The following PCYT1A variants were observed in gnomAD, a reference collection of about 807,000 sequenced individuals.
PCYT1A encodes phosphate cytidylyltransferase 1A, choline.
PCYT1A carries 25 observed loss-of-function variants against 43.7 expected under a neutral mutation model. The ratio of observed to expected loss-of-function variants is 0.57; its 90% CI spans 0.42 to 0.80. The LOEUF (loss-of-function observed/expected upper bound fraction) is 0.80. Among genes scored for constraint, PCYT1A ranks in the 30% least tolerant of loss-of-function variants. PCYT1A has a pLI of 0.00. For synonymous variants in PCYT1A, 172 were observed against 170.7 expected, an observed-to-expected ratio of 1.01 and a Z score of -0.06; for missense variants, 421 against 474.2, an observed-to-expected ratio of 0.89 and a Z score of 1.04.
chr3:196,264,425 G>A (rs889629561), intron 2 of PCYT1A, among the ~76,000 whole-genome samples: 3 of 152,046 alleles, frequency 2.0e-5, no homozygotes, highest in East Asian at 1.9e-4. Flanking sequence ...AGTTTATCTC[G>A]CACTCTCTGT....
chr3:196,242,738 C>T lies in PCYT1A; in HGVS notation c.487-98G>A. On this transcript the variant is annotated intron_variant, in intron 5 of 8. Coordinates refer to ENST00000431016, the MANE Select transcript of PCYT1A (RefSeq NM_001312673.2). This position sits in a 1 kb window ranked among gnomAD's most constrained non-coding sequence, Gnocchi z 4.2. ...CCAGAAAAAGGACAATAGGCAGAGG[C>T]CAGGCCTCAGTGGACTTCATATCTC... is the stretch of plus-strand genomic sequence containing the variant. The T allele has an allele frequency of 1.2e-6, 1 of 811,058 alleles. No individual in the cohort carries two copies. The highest frequency in any genetic ancestry group is 1.4e-5 in the South Asian group (1 of 72,134). The allele number at this position is 811,058 out of a possible 1,614,324, so 50.2% of individuals were successfully genotyped here.
Position 196,252,317 on chromosome 3 carries a change from G to A in PCYT1A, c.218-3994C>T, listed in dbSNP as rs943216180. On this transcript the variant is annotated intron_variant, in intron 3 of 8. Coordinates refer to ENST00000431016, the MANE Select transcript of PCYT1A (RefSeq NM_001312673.2). The surrounding 1 kb of genome is among the most constrained non-coding windows in gnomAD (Gnocchi z 4.0). Reference sequence around the variant, plus strand: ...GGCTGGAGTGTGGTGACATGATCTAGGCTCACTGCAACCTCTGCCTCCTGG... The same window carrying A: ...GGCTGGAGTGTGGTGACATGATCTAAGCTCACTGCAACCTCTGCCTCCTGG... 1.3e-4 allele frequency among the ~76,000 whole-genome samples: 19 copies of A among 151,968 alleles called. No individual in the cohort carries two copies. The highest frequency in any genetic ancestry group is 4.4e-5 in the Non-Finnish European group (3 of 67,984).
intron 5 of PCYT1A, chr3:196,243,176 A>C (rs1398167475): frequency 6.5e-6 from 1 of 154,524 alleles, no homozygotes; most frequent in Non-Finnish European, 1.4e-5. Context: ...AAATACAAAA[A>C]AATTAGCCAG....
chr3:196,251,142 G>GATACACCATGCTGAGGCTGAGGATCAC (rs1724762113), intron 3 of PCYT1A, among the ~76,000 whole-genome samples: 1 of 151,162 alleles, frequency 6.6e-6, no homozygotes, highest in African/African-American at 2.4e-5. Context: ...CTGAGGACCA[G>GATACACCATGCTGAGGCTGAGGATCAC]ATACACCATG....
intron 2 of PCYT1A, among the ~76,000 whole-genome samples, chr3:196,263,473 T>C (rs1031481321): frequency 6.6e-6 from 1 of 152,006 alleles, no homozygotes; most frequent in Non-Finnish European, 1.5e-5. Flanking sequence ...TCCTTCCACC[T>C]CCCAAGGCGC....
At chr3:196,260,485 C>T (rs1209118032) in intron 2 of PCYT1A, among the ~76,000 whole-genome samples, 1 of 152,122 alleles carries the variant, frequency 6.6e-6, no homozygotes, top group Non-Finnish European at 1.5e-5. Context: ...CATAGAATTA[C>T]CATATGACCC....
intron 3 of PCYT1A, among the ~76,000 whole-genome samples, chr3:196,257,007 T>C (rs1385436563): frequency 1.3e-5 from 2 of 152,154 alleles, no homozygotes. Context: ...TTCAGTCCTA[T>C]ATTTACAGGG....
intron 5 of PCYT1A, among the ~76,000 whole-genome samples, chr3:196,246,413 T>A (rs1270903943): frequency 2.6e-5 from 4 of 151,906 alleles, no homozygotes; most frequent in Admixed American, 6.6e-5. Context: ...TTTTTTTTTT[T>A]AAAGTAGAGA....
intron 5 of PCYT1A, chr3:196,243,286 C>T (rs1724418120): frequency 2.0e-5 from 3 of 151,936 alleles, no homozygotes; most frequent in African/African-American, 7.3e-5. Context: ...CAAAATCGCA[C>T]CACTGCACTC....
chr3:196,262,244 C>G (rs1472439901), intron 2 of PCYT1A, among the ~76,000 whole-genome samples: 1 of 152,100 alleles, frequency 6.6e-6, no homozygotes, highest in East Asian at 1.9e-4. Flanking sequence ...AGATCTAAAT[C>G]CCAACTCTAT....
intron 3 of PCYT1A, among the ~76,000 whole-genome samples, chr3:196,256,503 AT>A: frequency 6.6e-6 from 1 of 152,132 alleles, no homozygotes; most frequent in African/African-American, 2.4e-5. Context: ...AGAAAAAAAA[AT>A]TTCCCAGTAT....
intron 1 of PCYT1A, among the ~76,000 whole-genome samples, chr3:196,280,098 TG>T (rs1725714803): frequency 6.6e-6 from 1 of 152,194 alleles, no homozygotes; most frequent in African/African-American, 2.4e-5. Context: ...CCCAAAGTGC[TG>T]GGATTACAGG....
intron 5 of PCYT1A, chr3:196,243,002 C>G (rs1724406441): frequency 4.0e-6 from 1 of 248,622 alleles, no homozygotes; most frequent in Non-Finnish European, 8.0e-6. Context: ...TGTCCTGGGT[C>G]TGGAAGGATT....
chr3:196,243,573 T>C (rs1345033947), intron 5 of PCYT1A, among the ~76,000 whole-genome samples: 2 of 151,372 alleles, frequency 1.3e-5, no homozygotes, highest in South Asian at 2.1e-4. Flanking sequence ...ATGGTCTCCC[T>C]CTGATGCCGA....
At chr3:196,261,125 A>T (rs1329084911) in intron 2 of PCYT1A, among the ~76,000 whole-genome samples, 1 of 152,212 alleles carries the variant, frequency 6.6e-6, no homozygotes, top group Non-Finnish European at 1.5e-5. Context: ...AGATGTTCAG[A>T]CTAGGCAAAG....
chr3:196,260,612 G>A (rs923721315), intron 2 of PCYT1A, among the ~76,000 whole-genome samples: 5 of 152,194 alleles, frequency 3.3e-5, no homozygotes, highest in African/African-American at 1.2e-4. Flanking sequence ...GGAGGCCGAG[G>A]CGGGTAGACC....
Position 196,277,599 on chromosome 3 carries a change from G to A in PCYT1A, c.-10-7058C>T, listed in dbSNP as rs1328803483. ...TAAACTTTTACTCTGGGCTGGGCGC[G>A]GTGGCTCATGCCTGTAATCCCAGCA... On this transcript the variant is annotated intron_variant, in intron 1 of 8. Transcript: ENST00000431016. The surrounding 1 kb of genome is among the most constrained non-coding windows in gnomAD (Gnocchi z 4.1). 6.6e-6 allele frequency among the ~76,000 whole-genome samples: 1 copy of A among 152,120 alleles called. No individual in the cohort carries two copies. Among genetic ancestry groups the A allele is most frequent in the Non-Finnish European group, 1.5e-5 (1 of 68,008 alleles).
At chr3:196,253,059 C>T (rs557167235) in intron 3 of PCYT1A, among the ~76,000 whole-genome samples, 24 of 152,142 alleles carry the variant, frequency 1.6e-4, no homozygotes, top group Admixed American at 1.1e-3. Context: ...ATTTTTGGGC[C>T]GGGCACAGTG....
chr3:196,246,863 C>T (rs1019025252), intron 5 of PCYT1A, among the ~76,000 whole-genome samples: 30 of 150,384 alleles, frequency 2.0e-4, no homozygotes, highest in African/African-American at 7.4e-4. Context: ...TAACTTGTGG[C>T]GAGTTCAGTT....
Sources: allele counts gnomAD v4.1 joint callset (sites outside exome capture counted in the v4.1 genomes callset), GRCh38; gene constraint gnomAD v4.1.1; non-coding constraint Gnocchi (gnomAD v3.1); transcripts MANE v1.5; gene names NCBI Gene and HGNC (gene_info 2026-07-23, HGNC 2026-07-21).